PTK2: variants seen among roughly 807,000 people sequenced by gnomAD.
PTK2 encodes focal adhesion kinase 1.
A neutral mutation model predicts 150.1 loss-of-function variants in PTK2; 45 were observed. That is an observed-to-expected ratio of 0.30 (90% CI 0.24 to 0.38). The LOEUF (loss-of-function observed/expected upper bound fraction) is 0.38. PTK2 is among the 10% of genes least tolerant of loss of function. PTK2 has a pLI of 1.00. For synonymous variants in PTK2, 432 were observed against 449.2 expected (o/e 0.96, Z 0.48); for missense variants, 919 against 1,307.3 (o/e 0.70, Z 4.58).
rs57380382 is a variant in PTK2, at chr8:140,870,817, T to G, written c.363-6418A>C. Among the ~76,000 whole-genome samples, 164 of 152,382 alleles carry G rather than the reference T, an allele frequency of 1.1e-3. 1 individual carries two copies. Among genetic ancestry groups the G allele is most frequent in the African/African-American group, 3.8e-3 (159 of 41,600 alleles). ...ATTTGAATACTAATGGGATAGTTTA[T>G]GAAATTAAGAATAATTTTTGGAGAT... On this transcript the variant is annotated intron_variant, in intron 4 of 31. Transcript: ENST00000522684.
At chr8:140,934,673 A>G (rs898737487) in intron 1 of PTK2, 2 of 152,162 alleles carry the variant, frequency 1.3e-5, no homozygotes, top group African/African-American at 4.8e-5. Flanking sequence ...ATGAGAAATA[A>G]CACCTCCCCA....
chr8:140,682,965 AC>A, intron 27 of PTK2, among the ~76,000 whole-genome samples: 1 of 152,300 alleles, frequency 6.6e-6, no homozygotes, highest in Admixed American at 6.5e-5. Context: ...GAGCAAATCA[AC>A]CCCAAAGCTA....
At chr8:140,667,169 G>C (rs1040123206) in intron 30 of PTK2, among the ~76,000 whole-genome samples, 2 of 152,188 alleles carry the variant, frequency 1.3e-5, no homozygotes, top group Admixed American at 6.5e-5. Flanking sequence ...GCAAGGGAAG[G>C]GTTATGGAAG....
In PTK2 at chr8:140,715,008, G is replaced by C. The variant is rs774120057; in HGVS notation, c.2142+2590C>G. On this transcript the variant is annotated intron_variant, in intron 23 of 31. Coordinates refer to ENST00000522684, the Ensembl canonical transcript of PTK2. Reference sequence around the variant, plus strand: ...CATAGAAGCAGAATTTGATTCTAACGATGGACACTGAGAAGGTAAAAACTG... The same window carrying C: ...CATAGAAGCAGAATTTGATTCTAACCATGGACACTGAGAAGGTAAAAACTG... Among the ~76,000 whole-genome samples the C allele has an allele frequency of 3.3e-5, 5 of 151,712 alleles. No individual in the cohort carries two copies. The East Asian group carries it at 7.8e-4, about 24-fold the overall frequency.
At chr8:140,955,141 C>T (rs542289437) in intron 1 of PTK2, among the ~76,000 whole-genome samples, 1 of 152,288 alleles carries the variant, frequency 6.6e-6, no homozygotes, top group African/African-American at 2.4e-5. Flanking sequence ...ATTTCACTTC[C>T]ACTAAAATTA....
At chr8:140,909,319 A>C (rs888410956) in intron 2 of PTK2, among the ~76,000 whole-genome samples, 1 of 152,182 alleles carries the variant, frequency 6.6e-6, no homozygotes, top group African/African-American at 2.4e-5. Flanking sequence ...GAATTTCAAG[A>C]CTAAATTATC....
chr8:140,792,670 G>A (rs892283252), intron 13 of PTK2, among the ~76,000 whole-genome samples: 1 of 152,184 alleles, frequency 6.6e-6, no homozygotes, highest in African/African-American at 2.4e-5. Flanking sequence ...AAATAGTAAG[G>A]GACTGGCTAT....
At chr8:140,971,970 T>TCAAGG (rs2100187428) in intron 1 of PTK2, among the ~76,000 whole-genome samples, 1 of 152,244 alleles carries the variant, frequency 6.6e-6, no homozygotes, top group South Asian at 2.1e-4. Flanking sequence ...GAGAATCTAA[T>TCAAGG]AGAATTCTAT....
intron 8 of PTK2, among the ~76,000 whole-genome samples, chr8:140,823,439 G>C (rs1270397691): frequency 6.6e-6 from 1 of 151,560 alleles, no homozygotes; most frequent in African/African-American, 2.4e-5. Context: ...AAGTAACGGA[G>C]ATAGAAGTCG....
chr8:140,764,073 TGTAA>T, intron 15 of PTK2, 157 bp downstream of exon 17: 1 of 705,184 alleles, frequency 1.4e-6, no homozygotes, highest in Non-Finnish European at 2.5e-6. Context: ...AGTGGGCATA[TGTAA>T]GTAATATAGA....
At chr8:140,900,724 AG>A (rs2100158135) in intron 2 of PTK2, among the ~76,000 whole-genome samples, 1 of 152,028 alleles carries the variant, frequency 6.6e-6, no homozygotes, top group Non-Finnish European at 1.5e-5. Flanking sequence ...TGTCTCAAAA[AG>A]AGAGAAAAAA....
intron 1 of PTK2, among the ~76,000 whole-genome samples, chr8:140,991,617 TA>T (rs2100195725): frequency 6.6e-6 from 1 of 152,188 alleles, no homozygotes; most frequent in Non-Finnish European, 1.5e-5. Context: ...AAATTAAGAC[TA>T]ATTTTTGCCT....
chr8:140,691,914 G>C (rs946086616), intron 26 of PTK2, among the ~76,000 whole-genome samples: 2 of 152,210 alleles, frequency 1.3e-5, no homozygotes, highest in African/African-American at 4.8e-5. Context: ...GGGTAACACA[G>C]CTCTTAAACA....
At chr8:140,697,455 T>TGTGTGTGTGTGTGTG (rs1564589032) in intron 26 of PTK2, among the ~76,000 whole-genome samples, 1 of 149,814 alleles carries the variant, frequency 6.7e-6, no homozygotes, top group Non-Finnish European at 1.5e-5. Flanking sequence ...TGTGTGTGTG[T>TGTGTGTGTGTGTGTG]TTTTAAACGG....
At chr8:140,915,033 CAAAAA>C (rs10661609) in intron 2 of PTK2, among the ~76,000 whole-genome samples, 21 of 53,086 alleles carry the variant, frequency 4.0e-4, no homozygotes, top group Admixed American at 5.0e-4. Context: ...AACTCCAACT[CAAAAA>C]AAAAAAAAAA....
intron 5 of PTK2, among the ~76,000 whole-genome samples, chr8:140,847,044 T>G (rs2100126019): frequency 6.6e-6 from 1 of 152,180 alleles, no homozygotes; most frequent in Non-Finnish European, 1.5e-5. Context: ...AAATGGGACA[T>G]TAAGAAACAA....
chr8:140,975,613 G>A (rs1297523351), intron 1 of PTK2, among the ~76,000 whole-genome samples: 1 of 152,066 alleles, frequency 6.6e-6, no homozygotes, highest in Non-Finnish European at 1.5e-5. Flanking sequence ...AGGGGGGAGG[G>A]GGAAGAAAGG....
At chr8:140,807,628 G>C (rs1014240995) in intron 10 of PTK2, among the ~76,000 whole-genome samples, 1 of 152,196 alleles carries the variant, frequency 6.6e-6, no homozygotes, top group African/African-American at 2.4e-5. Context: ...AGATATGCTG[G>C]TAGGGTACAA....
intron 26 of PTK2, among the ~76,000 whole-genome samples, chr8:140,695,909 T>C (rs2100026250): frequency 6.6e-6 from 1 of 152,188 alleles, no homozygotes. Context: ...CTTTTATGTA[T>C]ATTAAATTTT....
Sources: gnomAD v4.1 joint callset for allele counts (sites outside exome capture counted in the v4.1 genomes callset) on GRCh38, gnomAD v4.1.1 for gene constraint, MANE v1.5 for transcripts, NCBI Gene and HGNC (gene_info 2026-07-23, HGNC 2026-07-21) for gene names.